The following SERGEF variants were observed in gnomAD, a reference collection of about 807,000 sequenced individuals.
SERGEF encodes secretion regulating guanine nucleotide exchange factor.
Under a neutral mutation model 50.0 loss-of-function variants are expected in SERGEF, and 51 were observed. The observed-to-expected ratio is 1.02, with a 90% CI of 0.81 to 1.29. SERGEF has a LOEUF of 1.29. Ranked by LOEUF, SERGEF falls within the 50% of genes most tolerant of loss-of-function variation. The probability of loss-of-function intolerance (pLI) is 0.00; values close to 1 mark genes in which losing one functional copy is unlikely to be tolerated. For synonymous variants in SERGEF, 205 were observed against 212.4 expected (o/e 0.97, Z 0.30); for missense variants, 521 against 557.0 (o/e 0.94, Z 0.65).
intron 10 of SERGEF, among the ~76,000 whole-genome samples, chr11:17,851,030 T>C (rs1404682970): frequency 6.6e-6 from 1 of 152,228 alleles, no homozygotes; most frequent in African/African-American, 2.4e-5. Context: ...GATGTCCTTT[T>C]ACATAAAATA....
At chr11:17,926,880 A>G (rs929882418) in intron 9 of SERGEF, 1 of 456,092 alleles carries the variant, frequency 2.2e-6, no homozygotes, top group Admixed American at 2.3e-5. Context: ...AAATATTTAT[A>G]GAATGAAAAG....
chr11:17,822,685 C>G (rs1850106674), intron 10 of SERGEF, among the ~76,000 whole-genome samples: 1 of 152,188 alleles, frequency 6.6e-6, no homozygotes, highest in African/African-American at 2.4e-5. Flanking sequence ...AAAGTGCCAT[C>G]AGGCACACTG....
At chr11:17,790,166 C>T (rs765091789) in intron 10 of SERGEF, among the ~76,000 whole-genome samples, 23 of 152,152 alleles carry the variant, frequency 1.5e-4, no homozygotes, top group Non-Finnish European at 1.8e-4. Flanking sequence ...AGTTTATGCC[C>T]CACCTCCCAT....
chr11:17,879,679 C>A (rs988825149), intron 9 of SERGEF, among the ~76,000 whole-genome samples: 1 of 152,088 alleles, frequency 6.6e-6, no homozygotes, highest in Non-Finnish European at 1.5e-5. Context: ...TTATATATGA[C>A]TACAGTTAAT....
At chr11:17,891,336 A>C (rs1388364230) in intron 9 of SERGEF, among the ~76,000 whole-genome samples, 1 of 152,206 alleles carries the variant, frequency 6.6e-6, no homozygotes, top group Non-Finnish European at 1.5e-5. Context: ...CAGCAATGTG[A>C]CATAGCCTCT....
chr11:17,813,730 C>A lies in SERGEF; in HGVS notation c.1049-25317G>T, dbSNP rs77167709. Reference sequence around the variant, plus strand: ...TGTGGCAGAGCCCACATCTTCTGATCAAACCTCAGAAACAAAAATAAGGAA... The same window carrying A: ...TGTGGCAGAGCCCACATCTTCTGATAAAACCTCAGAAACAAAAATAAGGAA... On this transcript the variant is annotated intron_variant, in intron 10 of 10. Transcript: ENST00000265965. Among the ~76,000 whole-genome samples the A allele has an allele frequency of 2.9e-3, 435 of 152,324 alleles. 4 individuals carry two copies. The highest frequency in any genetic ancestry group is 6.2e-3 in the South Asian group (30 of 4,824).
intron 10 of SERGEF, among the ~76,000 whole-genome samples, chr11:17,839,078 G>A (rs1850454535): frequency 6.6e-6 from 1 of 152,196 alleles, no homozygotes; most frequent in African/African-American, 2.4e-5. Context: ...GCTTTATTGT[G>A]TACACAGATG....
intron 10 of SERGEF, among the ~76,000 whole-genome samples, chr11:17,857,314 G>A (rs1565187120): frequency 6.6e-6 from 1 of 152,160 alleles, no homozygotes; most frequent in Non-Finnish European, 1.5e-5. Flanking sequence ...AGATTAGGCT[G>A]TTTCTAAAGT....
At chr11:17,857,631 A>C (rs1005730793) in intron 10 of SERGEF, among the ~76,000 whole-genome samples, 1 of 152,228 alleles carries the variant, frequency 6.6e-6, no homozygotes, top group Admixed American at 6.5e-5. Context: ...GTGCTGCCCG[A>C]ATAAAATGAA....
rs116888463 is a variant in SERGEF at position 17,928,038 on chromosome 11, T to A, written c.1011+31432A>T. Among the ~76,000 whole-genome samples the A allele has an allele frequency of 3.2e-3, 493 of 152,362 alleles. 1 individual carries two copies. The highest frequency in any genetic ancestry group is 5.6e-3 in the Non-Finnish European group (380 of 68,038). On this transcript the variant is annotated intron_variant, in intron 9 of 10. Transcript: ENST00000265965. Reference sequence around the variant, plus strand: ...AAATGTCTCTCAAGTACTTAGAGTCTCTAAATTTGAAGTCTTTAGATAAAA... The same window carrying A: ...AAATGTCTCTCAAGTACTTAGAGTCACTAAATTTGAAGTCTTTAGATAAAA...
chr11:17,832,768 G>T (rs1282304113), intron 10 of SERGEF, among the ~76,000 whole-genome samples: 1 of 152,204 alleles, frequency 6.6e-6, no homozygotes, highest in Non-Finnish European at 1.5e-5. Flanking sequence ...AGTGACTCTT[G>T]TTATGTTTTA....
intron 8 of SERGEF, among the ~76,000 whole-genome samples, chr11:17,968,709 T>A (rs1170790514): frequency 2.4e-4 from 34 of 143,690 alleles, no homozygotes; most frequent in Admixed American, 5.5e-4. Flanking sequence ...GTCTCTAATT[T>A]AAAAAAAAAA....
At position 17,926,852 on chromosome 11, in the gene SERGEF, A is replaced by G. The variant is rs969962692; in HGVS notation, c.1011+32618T>C. The G allele has an allele frequency of 1.9e-4, 85 of 456,196 alleles. No individual in the cohort carries two copies. The East Asian group carries it at 5.6e-3, about 30-fold the overall frequency. 28.3% of individuals were successfully genotyped at this position (456,196 alleles called of 1,614,324 possible). On this transcript the variant is annotated intron_variant, in intron 9 of 10. Coordinates refer to ENST00000265965, the MANE Select transcript of SERGEF (RefSeq NM_012139.4). ...CCCACTGTGCAGTTCAGTATCTGGC[A>G]TGTAATGGGCACACAACAAATATTT...
chr11:17,899,348 T>C (rs1255949501), intron 9 of SERGEF, among the ~76,000 whole-genome samples: 1 of 152,244 alleles, frequency 6.6e-6, no homozygotes, highest in Non-Finnish European at 1.5e-5. Context: ...CAAAATTTAC[T>C]GAGTTCTATG....
intron 10 of SERGEF, among the ~76,000 whole-genome samples, chr11:17,857,640 A>T (rs914739611): frequency 5.3e-5 from 8 of 152,240 alleles, no homozygotes; most frequent in Non-Finnish European, 1.0e-4. Flanking sequence ...GAATAAAATG[A>T]ACAGACTCAC....
intron 10 of SERGEF, among the ~76,000 whole-genome samples, chr11:17,809,085 G>A (rs1849819494): frequency 6.6e-6 from 1 of 152,196 alleles, no homozygotes; most frequent in Non-Finnish European, 1.5e-5. Flanking sequence ...ACCATTCATG[G>A]CACCTGCTAG....
intron 6 of SERGEF, among the ~76,000 whole-genome samples, chr11:17,994,215 A>T (rs1853782045): frequency 6.6e-6 from 1 of 152,072 alleles, no homozygotes; most frequent in Non-Finnish European, 1.5e-5. Flanking sequence ...GGTGTATCTG[A>T]GCTAGGTCTA....
chr11:17,999,473 C>T (rs2134007123), intron 5 of SERGEF: 2 of 426,610 alleles, frequency 4.7e-6, no homozygotes, highest in East Asian at 7.1e-5. Context: ...CAGCACAGTC[C>T]TGCATTGAGC....
intron 10 of SERGEF, among the ~76,000 whole-genome samples, chr11:17,849,035 T>C (rs1010770210): frequency 1.3e-5 from 2 of 152,200 alleles, no homozygotes; most frequent in African/African-American, 4.8e-5. Flanking sequence ...AGAGATGAAA[T>C]AATATCTATT....
Sources: allele counts gnomAD v4.1 joint callset (sites outside exome capture counted in the v4.1 genomes callset), GRCh38; gene constraint gnomAD v4.1.1; transcripts MANE v1.5; gene names NCBI Gene and HGNC (gene_info 2026-07-23, HGNC 2026-07-21).